HSPB3: variants seen among roughly 807,000 people sequenced by gnomAD.
HSPB3 encodes heat shock protein family B (small) member 3, also known as heat shock protein beta-3.
In HSPB3, 10 loss-of-function variants were observed where a neutral mutation model predicts 10.9. The ratio of observed to expected loss-of-function variants is 0.91; its 90% CI spans 0.56 to 1.55. The LOEUF (loss-of-function observed/expected upper bound fraction) is 1.55. Ranked by LOEUF, HSPB3 falls within the 40% of genes most tolerant of loss-of-function variation. The pLI, the probability that HSPB3 is intolerant of heterozygous loss-of-function variation, is 0.00. For missense variants in HSPB3, 176 were observed against 184.1 expected, an observed-to-expected ratio of 0.96 and a Z score of 0.25; for synonymous variants, 73 against 71.8, an observed-to-expected ratio of 1.02 and a Z score of -0.08.
rs765278190 is a variant in HSPB3, at chr5:54,456,225, C to G, written c.436C>G (p.Pro146Ala). Residue 146 changes from proline (P) to alanine (A), a missense_variant, in exon 1 of 1, where the codon CCA (proline) becomes GCA (alanine). Pro to Ala is a conservative substitution (Grantham distance 27). Coordinates refer to ENST00000302005, the MANE Select transcript of HSPB3 (RefSeq NM_006308.3). ...DGILVVEVKD[P>A]VGTK Reference sequence around the variant, plus strand: ...AATTTTGGTGGTGGAAGTAAAGGATCCAGTTGGGACTAAGTGACATCGTAT... The same window carrying G: ...AATTTTGGTGGTGGAAGTAAAGGATGCAGTTGGGACTAAGTGACATCGTAT... 6.2e-7 allele frequency: 1 copy of G among 1,613,780 alleles called. No individual in the cohort carries two copies. The highest frequency in any genetic ancestry group is 2.2e-5 in the East Asian group (1 of 44,878).
In HSPB3 at chr5:54,456,186, C is replaced by T. The variant is rs1390248607; in HGVS notation, c.397C>T (p.Leu133Phe). 6.2e-7 allele frequency: 1 copy of T among 1,614,022 alleles called. No individual in the cohort carries two copies. The highest frequency in any genetic ancestry group is 8.5e-7 in the Non-Finnish European group (1 of 1,180,028). The stretch of plus-strand genomic sequence containing the variant: ...GGAAATCAAAGATTTGTCTGCAGTC[C>T]TCTGTCATGATGGAATTTTGGTGGT... ...GVEIKDLSAVLCHDGILVVEV... is the reference protein window; with the variant it reads ...GVEIKDLSAVFCHDGILVVEV... The change falls in exon 1 of 1, where the codon CTC (leucine) becomes TTC (phenylalanine). Residue 133 changes from leucine (L) to phenylalanine (F), a missense_variant. Physicochemically the swap from Leu to Phe is conservative, Grantham distance 22. Coordinates refer to ENST00000302005, the MANE Select transcript of HSPB3 (RefSeq NM_006308.3).
Position 54,455,761 on chromosome 5 carries a change from G to A in HSPB3, c.-29G>A. ...AGGCAGTGGAAGGTTGGCAGAAGGA[G>A]GCTGTTCAAGGCTGTTTTTGCCTTC... On this transcript the variant is annotated 5_prime_UTR_variant, in exon 1 of 1. Transcript: ENST00000302005. 1 of 1,588,934 alleles carries A rather than the reference G, an allele frequency of 6.3e-7. No individual in the cohort carries two copies. Among genetic ancestry groups the A allele is most frequent in the Non-Finnish European group, 8.6e-7 (1 of 1,157,108 alleles).
In HSPB3 at chr5:54,456,295, T is replaced by C. The variant is rs1761048083; in HGVS notation, c.*53T>C. 3 of 1,333,014 alleles carry C rather than the reference T, an allele frequency of 2.3e-6. No individual in the cohort carries two copies. In the African/African-American group the frequency reaches 4.3e-5, roughly 19 times the overall value. The allele number at this position is 1,333,014 out of a possible 1,614,324, so 82.6% of individuals were successfully genotyped here. The stretch of plus-strand genomic sequence containing the variant: ...ATGGGGAAGATGATGGTTCAGCCAC[T>C]GGTACTACGAGAATGTTTGTATTAC... On this transcript the variant is annotated 3_prime_UTR_variant, in exon 1 of 1. Coordinates refer to ENST00000302005, the MANE Select transcript of HSPB3 (RefSeq NM_006308.3).
At position 54,455,860 on chromosome 5, in the gene HSPB3, G is replaced by C; in HGVS notation, c.71G>C (p.Gly24Ala). 2 of 1,614,108 alleles carry C rather than the reference G, an allele frequency of 1.2e-6. No homozygotes were observed. The highest frequency in any genetic ancestry group is 1.7e-6 in the Non-Finnish European group (2 of 1,180,006). ...VRYQEEFEAR[G>A]LEDCRLDHAL... ...TACCAGGAAGAGTTTGAAGCTCGAG[G>C]TCTAGAAGACTGCAGGCTGGATCAT... is the stretch of plus-strand genomic sequence containing the variant. The change falls in exon 1 of 1, where the codon GGT becomes GCT. Residue 24 changes from glycine to alanine, a missense_variant. By Grantham distance (60) the Gly-to-Ala change is moderately conservative. Transcript: ENST00000302005.
rs1761041225 is a variant in HSPB3, at chr5:54,456,016, A to AT, written c.227_228insT (p.Val77ArgfsTer7). On this transcript the variant is annotated frameshift_variant, in exon 1 of 1. Coordinates refer to ENST00000302005, the MANE Select transcript of HSPB3 (RefSeq NM_006308.3). LOFTEE classifies it high-confidence loss of function. ...AAATCCCACTTTCAGATCCTGCTGGACGTGGTCCAGTTCCTCCCTGAAGAC... is the reference window on the plus strand; with the variant it reads ...AAATCCCACTTTCAGATCCTGCTGGATCGTGGTCCAGTTCCTCCCTGAAGAC... 6.2e-7 allele frequency: 1 copy of AT among 1,613,906 alleles called. No individual in the cohort carries two copies. The highest frequency in any genetic ancestry group is 1.3e-5 in the African/African-American group (1 of 74,876).
chr5:54,455,719 G>T lies in HSPB3; in HGVS notation c.-71G>T. 7.8e-7 allele frequency: 1 copy of T among 1,286,064 alleles called. No individual in the cohort carries two copies. Among genetic ancestry groups the T allele is most frequent in the Non-Finnish European group, 1.1e-6 (1 of 885,684 alleles). The allele number at this position is 1,286,064 out of a possible 1,614,324, so 79.7% of individuals were successfully genotyped here. A position where few individuals can be genotyped will look rare whatever the true frequency, so the allele number is the denominator to read the frequency against. On this transcript the variant is annotated 5_prime_UTR_variant, in exon 1 of 1. Coordinates refer to ENST00000302005, the MANE Select transcript of HSPB3 (RefSeq NM_006308.3). The stretch of plus-strand genomic sequence containing the variant: ...AATCCAGTCAGTAGGCAACTGCAGG[G>T]GCTCGCCACTGACTGAAGGCAGTGG...
In HSPB3 at chr5:54,455,709, C is replaced by A; in HGVS notation, c.-81C>A. 1 of 1,171,278 alleles carries A rather than the reference C, an allele frequency of 8.5e-7. No homozygotes were observed. Among genetic ancestry groups the A allele is most frequent in the Non-Finnish European group, 1.3e-6 (1 of 777,148 alleles). 72.6% of individuals were successfully genotyped at this position (1,171,278 alleles called of 1,614,324 possible). On this transcript the variant is annotated 5_prime_UTR_variant, in exon 1 of 1. Transcript: ENST00000302005. ...TTCAACTGGTAATCCAGTCAGTAGG[C>A]AACTGCAGGGGCTCGCCACTGACTG...
rs201011378 is a variant in HSPB3, at chr5:54,455,974, C to T, written c.185C>T (p.Thr62Met). The change falls in exon 1 of 1, where the codon ACG becomes ATG. Residue 62 changes from threonine (T) to methionine (M), a missense_variant. Thr to Met is a moderately conservative substitution (Grantham distance 81). Coordinates refer to ENST00000302005, the MANE Select transcript of HSPB3 (RefSeq NM_006308.3). The part of the protein sequence containing the change: ...QSPPVDSAAE[T>M]PPREGKSHFQ... ...CCTCCAGTGGACTCAGCGGCAGAGA[C>T]GCCACCCCGAGAAGGCAAATCCCAC... 18 of 1,614,122 alleles carry T rather than the reference C, an allele frequency of 1.1e-5. No homozygotes were observed. The highest frequency in any genetic ancestry group is 1.1e-4 in the East Asian group (5 of 44,884).
In HSPB3 at chr5:54,455,857, G is replaced by A. The variant is rs780119257; in HGVS notation, c.68G>A (p.Arg23Gln). ...PVRYQEEFEA[R>Q]GLEDCRLDHA... ...CGTTACCAGGAAGAGTTTGAAGCTC[G>A]AGGTCTAGAAGACTGCAGGCTGGAT... The change falls in exon 1 of 1, where the codon CGA becomes CAA. Residue 23 changes from arginine to glutamine, a missense_variant. By Grantham distance (43) the Arg-to-Gln change is conservative (BLOSUM62 1). Transcript: ENST00000302005. The A allele has an allele frequency of 1.2e-5, 19 of 1,614,074 alleles. No individual in the cohort carries two copies. The highest frequency in any genetic ancestry group is 1.4e-5 in the Non-Finnish European group (17 of 1,180,000).
In HSPB3 at chr5:54,455,939, A is replaced by T; in HGVS notation, c.150A>T (p.Ala50=). ...PTIVDLRKTR[A]AQSPPVDSAA... ...TCGTGGACCTGAGGAAAACCAGGGC[A>T]GCGCAGTCTCCTCCAGTGGACTCAG... is the stretch of plus-strand genomic sequence containing the variant. The change falls in exon 1 of 1, where the codon GCA becomes GCT. Residue 50 remains alanine, a synonymous_variant. Transcript: ENST00000302005. 1 of 1,614,220 alleles carries T rather than the reference A, an allele frequency of 6.2e-7. No homozygotes were observed. Among genetic ancestry groups the T allele is most frequent in the Non-Finnish European group, 8.5e-7 (1 of 1,180,046 alleles).
At position 54,455,967 on chromosome 5, in the gene HSPB3, G is replaced by T; in HGVS notation, c.178G>T (p.Ala60Ser). The T allele has an allele frequency of 6.2e-7, 1 of 1,614,136 alleles. No homozygotes were observed. Among genetic ancestry groups the T allele is most frequent in the Non-Finnish European group, 8.5e-7 (1 of 1,180,024 alleles). Reference protein sequence around the residue: ...AAQSPPVDSAAETPPREGKSH... With the variant: ...AAQSPPVDSASETPPREGKSH... The stretch of plus-strand genomic sequence containing the variant: ...GCAGTCTCCTCCAGTGGACTCAGCG[G>T]CAGAGACGCCACCCCGAGAAGGCAA... The change falls in exon 1 of 1, where the codon GCA (alanine) becomes TCA (serine). Residue 60 changes from alanine (A) to serine (S), a missense_variant. By Grantham distance (99) the Ala-to-Ser change is moderately conservative (BLOSUM62 1). Transcript: ENST00000302005.
Position 54,456,087 on chromosome 5 carries a change from C to T in HSPB3, c.298C>T (p.His100Tyr), listed in dbSNP as rs1761043924. 6.2e-7 allele frequency: 1 copy of T among 1,614,136 alleles called. No homozygotes were observed. Among genetic ancestry groups the T allele is most frequent in the Admixed American group, 1.7e-5 (1 of 60,016 alleles). ...AGGCTGGCTGCTGATAAAAGCACAA[C>T]ACGGAACCAGAATGGATGAGCACGG... ...FEGWLLIKAQ[H>Y]GTRMDEHGFI... The change falls in exon 1 of 1, where the codon CAC (histidine) becomes TAC (tyrosine). Residue 100 changes from histidine to tyrosine, a missense_variant. By Grantham distance (83) the His-to-Tyr change is moderately conservative (BLOSUM62 2). Coordinates refer to ENST00000302005, the MANE Select transcript of HSPB3 (RefSeq NM_006308.3).
rs1187043371 is a variant in HSPB3 at position 54,455,963 on chromosome 5, A to G, written c.174A>G (p.Ser58=). 6.2e-7 allele frequency: 1 copy of G among 1,614,138 alleles called. No individual in the cohort carries two copies. Among genetic ancestry groups the G allele is most frequent in the Non-Finnish European group, 8.5e-7 (1 of 1,180,030 alleles). ...TRAAQSPPVD[S]AAETPPREGK... ...CAGCGCAGTCTCCTCCAGTGGACTC[A>G]GCGGCAGAGACGCCACCCCGAGAAG... is the stretch of plus-strand genomic sequence containing the variant. Residue 58 remains serine, a synonymous_variant, in exon 1 of 1, where the codon TCA becomes TCG. Transcript: ENST00000302005.
rs1273784465 is a variant in HSPB3, at chr5:54,455,794, C to T, written c.5C>T (p.Ala2Val). Residue 2 changes from alanine (A) to valine (V), a missense_variant, in exon 1 of 1, where the codon GCA becomes GTA. Ala to Val is a moderately conservative substitution (Grantham distance 64). Coordinates refer to ENST00000302005, the MANE Select transcript of HSPB3 (RefSeq NM_006308.3). MAKIILRHLIEI... is the reference protein window; with the variant it reads MVKIILRHLIEI... ...AAGGCTGTTTTTGCCTTCACTATGG[C>T]AAAAATCATTTTGAGGCACCTCATA... 1 of 1,613,998 alleles carries T rather than the reference C, an allele frequency of 6.2e-7. No individual in the cohort carries two copies. Among genetic ancestry groups the T allele is most frequent in the East Asian group, 2.2e-5 (1 of 44,866 alleles).
chr5:54,455,893 A>G lies in HSPB3; in HGVS notation c.104A>G (p.Tyr35Cys). 1.2e-6 allele frequency: 2 copies of G among 1,614,136 alleles called. No individual in the cohort carries two copies. Among genetic ancestry groups the G allele is most frequent in the Non-Finnish European group, 1.7e-6 (2 of 1,180,010 alleles). Residue 35 changes from tyrosine to cysteine, a missense_variant, in exon 1 of 1, where the codon TAT becomes TGT. Transcript: ENST00000302005. ...LEDCRLDHAL[Y>C]ALPGPTIVDL... ...GACTGCAGGCTGGATCATGCTTTAT[A>G]TGCACTGCCTGGGCCAACCATCGTG...
Position 54,455,742 on chromosome 5 carries a change from T to A in HSPB3, c.-48T>A. 1 of 1,501,358 alleles carries A rather than the reference T, an allele frequency of 6.7e-7. No homozygotes were observed. The highest frequency in any genetic ancestry group is 9.3e-7 in the Non-Finnish European group (1 of 1,078,652). 93.0% of individuals were successfully genotyped at this position (1,501,358 alleles called of 1,614,324 possible). On this transcript the variant is annotated 5_prime_UTR_variant, in exon 1 of 1. Transcript: ENST00000302005. Reference sequence around the variant, plus strand: ...GGGGCTCGCCACTGACTGAAGGCAGTGGAAGGTTGGCAGAAGGAGGCTGTT... The same window carrying A: ...GGGGCTCGCCACTGACTGAAGGCAGAGGAAGGTTGGCAGAAGGAGGCTGTT...
rs41270303 is a variant in HSPB3 at position 54,456,144 on chromosome 5, A to C, written c.355A>C (p.Lys119Gln). The C allele has an allele frequency of 6.2e-7, 1 of 1,614,056 alleles. No individual in the cohort carries two copies. Among genetic ancestry groups the C allele is most frequent in the Non-Finnish European group, 8.5e-7 (1 of 1,180,020 alleles). Residue 119 changes from lysine (K) to glutamine (Q), a missense_variant, in exon 1 of 1, where the codon AAA becomes CAA. Lys to Gln is a moderately conservative substitution (Grantham distance 53, BLOSUM62 1). Coordinates refer to ENST00000302005, the MANE Select transcript of HSPB3 (RefSeq NM_006308.3). ...FISRSFTRQY[K>Q]LPDGVEIKDL... Reference sequence around the variant, plus strand: ...CTCAAGAAGCTTCACCCGACAGTACAAACTACCAGATGGTGTGGAAATCAA... The same window carrying C: ...CTCAAGAAGCTTCACCCGACAGTACCAACTACCAGATGGTGTGGAAATCAA...
Position 54,455,789 on chromosome 5 carries a change from T to C in HSPB3, c.-1T>C. On this transcript the variant is annotated 5_prime_UTR_variant, in exon 1 of 1. Coordinates refer to ENST00000302005, the MANE Select transcript of HSPB3 (RefSeq NM_006308.3). Reference sequence around the variant, plus strand: ...TGTTCAAGGCTGTTTTTGCCTTCACTATGGCAAAAATCATTTTGAGGCACC... The same window carrying C: ...TGTTCAAGGCTGTTTTTGCCTTCACCATGGCAAAAATCATTTTGAGGCACC... 6.2e-7 allele frequency: 1 copy of C among 1,613,902 alleles called. No homozygotes were observed. The highest frequency in any genetic ancestry group is 8.5e-7 in the Non-Finnish European group (1 of 1,179,796).
rs995430834 is a variant in HSPB3, at chr5:54,455,835, T to C, written c.46T>C (p.Tyr16His). Residue 16 changes from tyrosine (Y) to histidine (H), a missense_variant, in exon 1 of 1, where the codon TAC becomes CAC. Tyr to His is a moderately conservative substitution (Grantham distance 83, BLOSUM62 2). Transcript: ENST00000302005. ...LRHLIEIPVR[Y>H]QEEFEARGLE... ...GCACCTCATAGAGATTCCAGTGCGT[T>C]ACCAGGAAGAGTTTGAAGCTCGAGG... 11 of 1,614,162 alleles carry C rather than the reference T, an allele frequency of 6.8e-6. No individual in the cohort carries two copies. Among genetic ancestry groups the C allele is most frequent in the Non-Finnish European group, 9.3e-6 (11 of 1,180,024 alleles).
Sources: allele counts gnomAD v4.1 joint callset, GRCh38; gene constraint gnomAD v4.1.1; transcripts MANE v1.5; gene names NCBI Gene and HGNC (gene_info 2026-07-23, HGNC 2026-07-21).